Variants in RFFL observed in about 807,000 individuals in gnomAD.
RFFL encodes the protein E3 ubiquitin-protein ligase rififylin.
A neutral mutation model predicts 40.4 loss-of-function variants in RFFL; 16 were observed. The ratio of observed to expected loss-of-function variants is 0.40; its 90% CI spans 0.27 to 0.60. The LOEUF (loss-of-function observed/expected upper bound fraction) is 0.60. Among genes scored for constraint, RFFL ranks in the 20% least tolerant of loss-of-function variants. The pLI, the probability that RFFL is intolerant of heterozygous loss-of-function variation, is 0.47. For missense variants in RFFL, 367 were observed against 451.7 expected, an observed-to-expected ratio of 0.81 and a Z score of 1.70; for synonymous variants, 154 against 167.9, an observed-to-expected ratio of 0.92 and a Z score of 0.64.
In RFFL at chr17:35,011,806, G is replaced by C; in HGVS notation, c.*162C>G. Reference sequence around the variant, plus strand: ...TTGCCAGCCAAGAGGTACACCCCTGGGAAGACAGGCATGCTCAGGGGTGAC... The same window carrying C: ...TTGCCAGCCAAGAGGTACACCCCTGCGAAGACAGGCATGCTCAGGGGTGAC... On this transcript the variant is annotated 3_prime_UTR_variant, in exon 7 of 7. Transcript: ENST00000394597. The C allele has an allele frequency of 1.5e-6, 1 of 661,418 alleles. No individual in the cohort carries two copies. Among genetic ancestry groups the C allele is most frequent in the Non-Finnish European group, 2.6e-6 (1 of 384,806 alleles). The allele number at this position is 661,418 out of a possible 1,614,324, so 41.0% of individuals were successfully genotyped here.
intron 1 of RFFL, among the ~76,000 whole-genome samples, chr17:35,087,165 A>T (rs1206410588): frequency 6.6e-6 from 1 of 152,160 alleles, no homozygotes; most frequent in Non-Finnish European, 1.5e-5. Flanking sequence ...ATGACGAACA[A>T]CATGGCAAAA....
At chr17:35,086,282 T>C (rs1372177547) in intron 1 of RFFL, among the ~76,000 whole-genome samples, 3 of 151,990 alleles carry the variant, frequency 2.0e-5, no homozygotes, top group African/African-American at 7.3e-5. Context: ...CTCAAGGCAT[T>C]TGAGATCAGC....
chr17:35,030,455 TTTTTTTGTGTGTG>T (rs2091075649), intron 1 of RFFL, among the ~76,000 whole-genome samples: 1 of 151,936 alleles, frequency 6.6e-6, no homozygotes. Context: ...ATGGTGAGCA[TTTTTTTGTGTGTG>T]TTTTTTGTAT....
chr17:35,062,820 G>A (rs547738830), intron 1 of RFFL, among the ~76,000 whole-genome samples: 21 of 152,306 alleles, frequency 1.4e-4, no homozygotes, highest in African/African-American at 4.8e-4. Flanking sequence ...CAAAAGTTTG[G>A]CGATGAAAAG....
chr17:35,028,602 AT>A (rs1323664735), intron 1 of RFFL, among the ~76,000 whole-genome samples: 1 of 152,106 alleles, frequency 6.6e-6, no homozygotes, highest in Admixed American at 6.5e-5. Context: ...TACAGAGACA[AT>A]AAATGAAACA....
At chr17:35,063,455 C>CAAAAAAAAAAAAA (rs36055947) in intron 1 of RFFL, 121 bp downstream of exon 1, 2 of 46,894 alleles carry the variant, frequency 4.3e-5, no homozygotes, top group African/African-American at 1.0e-4. Context: ...AACTCCGTCT[C>CAAAAAAAAAAAAA]AAAAAAAAAA....
intron 1 of RFFL, among the ~76,000 whole-genome samples, chr17:35,062,004 C>T (rs562727015): frequency 3.0e-4 from 45 of 152,044 alleles, no homozygotes; most frequent in Non-Finnish European, 6.0e-4. Context: ...CAGTTTTGAC[C>T]TCTGGTAAAT....
intron 1 of RFFL, among the ~76,000 whole-genome samples, chr17:35,028,525 T>C (rs2091058958): frequency 6.6e-6 from 1 of 152,070 alleles, no homozygotes; most frequent in Non-Finnish European, 1.5e-5. Context: ...TGATGTGAGA[T>C]ATGAGTATGT....
At chr17:35,082,354 C>A (rs2053121931) in intron 1 of RFFL, among the ~76,000 whole-genome samples, 1 of 152,162 alleles carries the variant, frequency 6.6e-6, no homozygotes, top group African/African-American at 2.4e-5. Context: ...TCAGGTGCTA[C>A]TTAATGAGGC....
chr17:35,080,412 T>G (rs558920391), intron 1 of RFFL, among the ~76,000 whole-genome samples: 2 of 152,204 alleles, frequency 1.3e-5, no homozygotes, highest in East Asian at 3.9e-4. Flanking sequence ...TTTTGTATAT[T>G]TTAGGATAAA....
At chr17:35,061,364 G>A (rs553847537) in intron 1 of RFFL, among the ~76,000 whole-genome samples, 1 of 152,282 alleles carries the variant, frequency 6.6e-6, no homozygotes, top group Admixed American at 6.5e-5. Context: ...TGTGTAAGAT[G>A]TCAGAAAATG....
upstream of RFFL, among the ~76,000 whole-genome samples, chr17:35,065,942 TCTGA>T (rs1294187507): frequency 6.6e-6 from 1 of 152,198 alleles, no homozygotes; most frequent in Admixed American, 6.5e-5. Flanking sequence ...ACTGTGGCTT[TCTGA>T]CTAAGTTCTT....
intron 1 of RFFL, among the ~76,000 whole-genome samples, chr17:35,034,381 G>GA (rs1274700033): frequency 1.3e-5 from 2 of 151,854 alleles, no homozygotes; most frequent in Non-Finnish European, 2.9e-5. Context: ...TTAGCCACAT[G>GA]AAAAAAATAA....
upstream of RFFL, among the ~76,000 whole-genome samples, chr17:35,066,534 A>AT (rs921456334): frequency 1.1e-4 from 16 of 152,236 alleles, no homozygotes; most frequent in Non-Finnish European, 2.2e-4. Context: ...AAAATCATGA[A>AT]TTTTTTTACA....
chr17:35,027,941 G>C (rs546644640), intron 1 of RFFL, among the ~76,000 whole-genome samples: 78 of 151,922 alleles, frequency 5.1e-4, no homozygotes, highest in Non-Finnish European at 8.7e-4. Flanking sequence ...GCTGAGGCTG[G>C]AGAATTGCTT....
chr17:35,046,475 CA>C (rs747865831), intron 1 of RFFL, among the ~76,000 whole-genome samples: 2 of 152,144 alleles, frequency 1.3e-5, no homozygotes, highest in Non-Finnish European at 2.9e-5. Context: ...TTGCACAGCC[CA>C]AGCAAGGTGG....
intron 1 of RFFL, among the ~76,000 whole-genome samples, chr17:35,069,935 G>A (rs1293781141): frequency 6.6e-6 from 1 of 151,814 alleles, no homozygotes; most frequent in East Asian, 1.9e-4. Flanking sequence ...ATTAAAAAAT[G>A]CTCCATAATA....
intron 1 of RFFL, among the ~76,000 whole-genome samples, chr17:35,047,101 T>G (rs954947040): frequency 6.6e-6 from 1 of 152,184 alleles, no homozygotes; most frequent in East Asian, 1.9e-4. Context: ...GAAAGAGGAT[T>G]TACCAGATAA....
intron 1 of RFFL, 98 bp from the exon 2 acceptor site, chr17:35,026,659 C>G: frequency 1.1e-6 from 1 of 873,296 alleles, no homozygotes; most frequent in Non-Finnish European, 1.8e-6. Context: ...ACACTCAATG[C>G]ACGCATGCCA....
Sources: gnomAD v4.1 joint callset for allele counts (sites outside exome capture counted in the v4.1 genomes callset) on GRCh38, gnomAD v4.1.1 for gene constraint, MANE v1.5 for transcripts, NCBI Gene and HGNC (gene_info 2026-07-23, HGNC 2026-07-21) for gene names.